Variants in RBPMS observed in about 807,000 individuals in gnomAD.
RBPMS encodes the protein RNA-binding protein with multiple splicing.
Under a neutral mutation model 26.8 loss-of-function variants are expected in RBPMS, and 7 were observed. The ratio of observed to expected loss-of-function variants is 0.26; its 90% CI spans 0.15 to 0.49. RBPMS has a LOEUF of 0.49. Ranked by LOEUF, RBPMS falls within the 20% of genes least tolerant of loss-of-function variation. The probability of loss-of-function intolerance (pLI) is 0.98; values close to 1 mark genes in which losing one functional copy is unlikely to be tolerated. For synonymous variants in RBPMS, 96 were observed against 93.3 expected (o/e 1.03, Z -0.17); for missense variants, 186 against 250.0 (o/e 0.74, Z 1.73).
chr8:30,551,428 G>A (rs553724392), intron 6 of RBPMS, among the ~76,000 whole-genome samples: 2 of 152,182 alleles, frequency 1.3e-5, no homozygotes, highest in Non-Finnish European at 2.9e-5. Context: ...AGAAATCACA[G>A]TATTATTCAG....
chr8:30,516,923 GAC>G lies in RBPMS; in HGVS notation c.397+12493_397+12494del, dbSNP rs67235611. ...CTAAATACACACACACACACACACA[GAC>G]ACACATGAGTTTTCCTCATGTGAAT... On this transcript the variant is annotated intron_variant, in intron 5 of 8. Coordinates refer to ENST00000397323, the MANE Select transcript of RBPMS (RefSeq NM_001008710.3). Among the ~76,000 whole-genome samples, 631 of 146,386 alleles carry G rather than the reference GAC, an allele frequency of 4.3e-3. 3 individuals are homozygous for G. Among genetic ancestry groups the G allele is most frequent in the African/African-American group, 0.015 (587 of 40,154 alleles).
intron 1 of RBPMS, among the ~76,000 whole-genome samples, chr8:30,469,334 T>G (rs1017929103): frequency 6.6e-6 from 1 of 152,264 alleles, no homozygotes; most frequent in African/African-American, 2.4e-5. Flanking sequence ...CAATAAAATG[T>G]GTCTTGCCTT....
intron 4 of RBPMS, among the ~76,000 whole-genome samples, chr8:30,484,842 T>C (rs1006933597): frequency 6.6e-6 from 1 of 152,196 alleles, no homozygotes; most frequent in Non-Finnish European, 1.5e-5. Flanking sequence ...TTTATAAATA[T>C]CACAGTGATT....
chr8:30,424,057 C>CT (rs894127200), intron 1 of RBPMS, among the ~76,000 whole-genome samples: 1 of 152,118 alleles, frequency 6.6e-6, no homozygotes, highest in Non-Finnish European at 1.5e-5. Context: ...AGGCTGGTCT[C>CT]TAACTCCTGA....
At chr8:30,559,693 A>G (rs1827279964) in intron 7 of RBPMS, among the ~76,000 whole-genome samples, 1 of 152,226 alleles carries the variant, frequency 6.6e-6, no homozygotes, top group Non-Finnish European at 1.5e-5. Context: ...AGTTTTTAGA[A>G]TGTTTTAGTT....
In RBPMS at chr8:30,477,804, T is replaced by C. The variant is rs1167772330; in HGVS notation, c.150T>C (p.Tyr50=). The stretch of plus-strand genomic sequence containing the variant: ...TGGTTTTTCTTTATTTTCAGGGCTA[T>C]GAGGGTTCTCTTATAAAGCTCACAT... The part of the protein sequence containing the change: ...LYLLFRPFKG[Y]EGSLIKLTSK... The change falls in exon 3 of 9, where the codon TAT becomes TAC. Residue 50 remains tyrosine, a synonymous_variant. Coordinates refer to ENST00000397323, the MANE Select transcript of RBPMS (RefSeq NM_001008710.3). The C allele has an allele frequency of 1.2e-6, 2 of 1,608,658 alleles. No individual in the cohort carries two copies. Among genetic ancestry groups the C allele is most frequent in the Non-Finnish European group, 1.7e-6 (2 of 1,175,398 alleles).
intron 1 of RBPMS, among the ~76,000 whole-genome samples, chr8:30,461,738 TGCCTAG>T (rs1485929640): frequency 6.6e-6 from 1 of 152,206 alleles, no homozygotes; most frequent in Non-Finnish European, 1.5e-5. Flanking sequence ...TTGTGCCCTT[TGCCTAG>T]TTTCTGCCTG....
At chr8:30,479,789 C>T (rs1461097881) in intron 4 of RBPMS, among the ~76,000 whole-genome samples, 2 of 143,508 alleles carry the variant, frequency 1.4e-5, no homozygotes, top group African/African-American at 5.3e-5. Context: ...TTTCATGAGG[C>T]TTTCCTTTTA....
intron 1 of RBPMS, among the ~76,000 whole-genome samples, chr8:30,463,866 T>G (rs913495012): frequency 1.3e-5 from 2 of 152,200 alleles, no homozygotes; most frequent in African/African-American, 4.8e-5. Flanking sequence ...ATATTCGAAC[T>G]CACAAGGTTT....
chr8:30,413,545 A>T (rs1167707223), intron 1 of RBPMS, among the ~76,000 whole-genome samples: 1 of 152,228 alleles, frequency 6.6e-6, no homozygotes, highest in Non-Finnish European at 1.5e-5. Context: ...TGAATCCTGT[A>T]AGATAAATAC....
At chr8:30,491,066 A>G (rs530758931) in intron 4 of RBPMS, among the ~76,000 whole-genome samples, 1 of 152,168 alleles carries the variant, frequency 6.6e-6, no homozygotes, top group East Asian at 1.9e-4. Context: ...TAAGGAGCAA[A>G]TTTACCCACT....
At chr8:30,539,810 G>A (rs1040570204) in intron 5 of RBPMS, among the ~76,000 whole-genome samples, 2 of 151,982 alleles carry the variant, frequency 1.3e-5, no homozygotes, top group East Asian at 1.9e-4. Flanking sequence ...ATTTTTAGTA[G>A]AGATGGAGTT....
chr8:30,463,866 T>C (rs913495012), intron 1 of RBPMS, among the ~76,000 whole-genome samples: 1 of 152,200 alleles, frequency 6.6e-6, no homozygotes, highest in Non-Finnish European at 1.5e-5. Context: ...ATATTCGAAC[T>C]CACAAGGTTT....
chr8:30,429,352 T>TGG (rs1006581319), intron 1 of RBPMS, among the ~76,000 whole-genome samples: 13 of 152,192 alleles, frequency 8.5e-5, no homozygotes, highest in Admixed American at 3.3e-4. Flanking sequence ...AAAGCTTTCC[T>TGG]GGACTCCCCA....
At chr8:30,503,771 T>C (rs1820806491) in intron 4 of RBPMS, among the ~76,000 whole-genome samples, 1 of 152,068 alleles carries the variant, frequency 6.6e-6, no homozygotes, top group South Asian at 2.1e-4. Context: ...TAAAATACAC[T>C]CTCTTGGGAT....
At chr8:30,410,934 G>T (rs1305855539) in intron 1 of RBPMS, among the ~76,000 whole-genome samples, 1 of 152,038 alleles carries the variant, frequency 6.6e-6, no homozygotes, top group Non-Finnish European at 1.5e-5. Context: ...GGGATGGGGT[G>T]TTGCTACTTT....
At chr8:30,450,806 A>AAAAAAG (rs1814489771) in intron 1 of RBPMS, among the ~76,000 whole-genome samples, 1 of 150,070 alleles carries the variant, frequency 6.7e-6, no homozygotes, top group African/African-American at 2.5e-5. Context: ...AAAAAAAAAA[A>AAAAAAG]AAAAGTGTGT....
chr8:30,485,121 C>T (rs1042452682), intron 4 of RBPMS, among the ~76,000 whole-genome samples: 4 of 152,294 alleles, frequency 2.6e-5, no homozygotes, highest in Non-Finnish European at 5.9e-5. Flanking sequence ...GCAGTCAAGA[C>T]CTGCACTGGG....
intron 1 of RBPMS, among the ~76,000 whole-genome samples, chr8:30,433,477 C>T (rs1216061897): frequency 6.6e-6 from 1 of 152,130 alleles, no homozygotes; most frequent in Non-Finnish European, 1.5e-5. Flanking sequence ...TTGAGACCAG[C>T]TTGGGCACCA....
Sources: allele counts gnomAD v4.1 joint callset (sites outside exome capture counted in the v4.1 genomes callset), GRCh38; gene constraint gnomAD v4.1.1; transcripts MANE v1.5; gene names NCBI Gene and HGNC (gene_info 2026-07-23, HGNC 2026-07-21).